PRIM2: variants seen among roughly 807,000 people sequenced by gnomAD.
PRIM2 encodes DNA primase subunit 2.
A neutral mutation model predicts 67.3 loss-of-function variants in PRIM2; 39 were observed. The observed-to-expected ratio is 0.58, with a 90% CI of 0.45 to 0.76. The LOEUF (loss-of-function observed/expected upper bound fraction) is 0.76, where lower values mean the gene tolerates loss of function less well. Among genes scored for constraint, PRIM2 ranks in the 30% least tolerant of loss-of-function variants. The probability of loss-of-function intolerance (pLI) is 0.00; values close to 1 mark genes in which losing one functional copy is unlikely to be tolerated. For synonymous variants in PRIM2, 143 were observed against 198.7 expected (o/e 0.72, Z 2.36); for missense variants, 398 against 598.7 (o/e 0.66, Z 3.50).
At chr6:57,450,139 A>G (rs541589547) in intron 7 of PRIM2, among the ~76,000 whole-genome samples, 1 of 152,216 alleles carries the variant, frequency 6.6e-6, no homozygotes, top group African/African-American at 2.4e-5. Context: ...ATTAAATACC[A>G]AAACAAGATT....
intron 5 of PRIM2, among the ~76,000 whole-genome samples, chr6:57,349,419 C>T (rs540099762): frequency 2.2e-4 from 33 of 150,462 alleles, no homozygotes; most frequent in Non-Finnish European, 3.7e-4. Context: ...GGCACTGTGT[C>T]TGATCAATTA....
chr6:57,592,567 G>T (rs1317221741), intron 10 of PRIM2, among the ~76,000 whole-genome samples: 9 of 152,146 alleles, frequency 5.9e-5, no homozygotes, highest in Non-Finnish European at 1.2e-4. Context: ...GGCTGAGGTG[G>T]GTGGATCACC....
At chr6:57,639,563 AG>A (rs1777188589) in intron 13 of PRIM2, among the ~76,000 whole-genome samples, 1 of 148,104 alleles carries the variant, frequency 6.8e-6, no homozygotes, top group Non-Finnish European at 1.5e-5. Flanking sequence ...AAAATGATAA[AG>A]GGGATATCAC....
the PRIM2 span, among the ~76,000 whole-genome samples, chr6:57,233,665 C>T: frequency 6.9e-6 from 1 of 145,486 alleles, no homozygotes; most frequent in African/African-American, 2.6e-5. Context: ...CTCCCTCCCT[C>T]CCTTGACAGG....
chr6:57,516,338 G>C (rs1487606409), intron 8 of PRIM2, among the ~76,000 whole-genome samples: 1 of 152,138 alleles, frequency 6.6e-6, no homozygotes, highest in South Asian at 2.1e-4. Flanking sequence ...TTTCTTTTGA[G>C]GTGGGAGTAT....
At chr6:57,370,993 C>T (rs1769535552) in intron 5 of PRIM2, among the ~76,000 whole-genome samples, 1 of 152,168 alleles carries the variant, frequency 6.6e-6, no homozygotes, top group Admixed American at 6.5e-5. Context: ...TGACTGCACC[C>T]AGCCCAGAAT....
chr6:57,295,170 C>G, the PRIM2 span, among the ~76,000 whole-genome samples: 2,305 of 152,252 alleles, frequency 0.015, 30 homozygotes, highest in South Asian at 0.032. Flanking sequence ...GAAGAAACCT[C>G]TTTGTTTTAA....
chr6:57,479,829 T>C (rs1284909466), intron 7 of PRIM2, among the ~76,000 whole-genome samples: 1 of 152,200 alleles, frequency 6.6e-6, no homozygotes, highest in Non-Finnish European at 1.5e-5. Context: ...CTAATATATA[T>C]TGCAAGGTCA....
intron 11 of PRIM2, among the ~76,000 whole-genome samples, chr6:57,603,432 A>G (rs1308787564): frequency 7.2e-6 from 1 of 138,068 alleles, no homozygotes; most frequent in Non-Finnish European, 1.6e-5. Context: ...ACATTTATTG[A>G]ATAGGAGTCC....
chr6:57,274,597 C>T, the PRIM2 span, among the ~76,000 whole-genome samples: 64 of 152,384 alleles, frequency 4.2e-4, 1 homozygote, highest in African/African-American at 1.5e-3. Flanking sequence ...AAGCCTCGCC[C>T]TGCTTTGGCT....
At chr6:57,229,016 A>G in the PRIM2 span, among the ~76,000 whole-genome samples, 1 of 152,222 alleles carries the variant, frequency 6.6e-6, no homozygotes, top group Non-Finnish European at 1.5e-5. Flanking sequence ...CCAATGATAT[A>G]TCTTTTTCTC....
chr6:57,494,121 A>C (rs1227771294), intron 7 of PRIM2, among the ~76,000 whole-genome samples: 1 of 152,208 alleles, frequency 6.6e-6, no homozygotes, highest in Non-Finnish European at 1.5e-5. Flanking sequence ...TGCTTACTTT[A>C]CCCCAACTCT....
intron 7 of PRIM2, among the ~76,000 whole-genome samples, chr6:57,386,417 CAA>C (rs71299586): frequency 0.067 from 3,604 of 53,882 alleles, 110 homozygotes; most frequent in African/African-American, 0.17. Context: ...TACCCTGTCT[CAA>C]AAAAAAAAAA....
chr6:57,278,725 A>G, the PRIM2 span, among the ~76,000 whole-genome samples: 1 of 152,096 alleles, frequency 6.6e-6, no homozygotes, highest in Non-Finnish European at 1.5e-5. Flanking sequence ...AAAAGGAGTT[A>G]TGGATGAGGG....
intron 10 of PRIM2, chr6:57,586,981 G>A (rs2127486991): frequency 6.6e-6 from 1 of 152,274 alleles, no homozygotes; most frequent in East Asian, 1.9e-4. Flanking sequence ...AAAAACCTCT[G>A]TTATTTTGTT....
chr6:57,341,387 T>C (rs1243904221), intron 5 of PRIM2, among the ~76,000 whole-genome samples: 1 of 152,190 alleles, frequency 6.6e-6, no homozygotes. Context: ...TCATGGAAGA[T>C]AGAGTAACAA....
chr6:57,606,678 A>G (rs1776567783), intron 12 of PRIM2, among the ~76,000 whole-genome samples: 2 of 152,188 alleles, frequency 1.3e-5, no homozygotes, highest in Non-Finnish European at 1.5e-5. Context: ...TATTTTTCCT[A>G]GTCATAAAGG....
rs1396292208 is a variant in PRIM2, at chr6:57,386,923, A to T, written c.693+4755A>T. ...TGGTTCTGGGGGAAGTTGTAAATTG[A>T]TGAGAGTTTTACCCCAGGTGACAAC... is the stretch of plus-strand genomic sequence containing the variant. On this transcript the variant is annotated intron_variant, in intron 7 of 13. Transcript: ENST00000615550. Among the ~76,000 whole-genome samples, 6 of 152,296 alleles carry T rather than the reference A, an allele frequency of 3.9e-5. No homozygotes were observed. The East Asian group carries it at 1.2e-3, about 29-fold the overall frequency.
chr6:57,226,118 C>G, the PRIM2 span, among the ~76,000 whole-genome samples: 2 of 151,944 alleles, frequency 1.3e-5, no homozygotes, highest in African/African-American at 4.8e-5. Flanking sequence ...AGACAAAAGG[C>G]AGATGGTTTG....
Sources: gnomAD v4.1 joint callset for allele counts (sites outside exome capture counted in the v4.1 genomes callset) on GRCh38, gnomAD v4.1.1 for gene constraint, MANE v1.5 for transcripts, NCBI Gene and HGNC (gene_info 2026-07-23, HGNC 2026-07-21) for gene names.